The following RETREG1 variants were observed in gnomAD, a reference collection of about 807,000 sequenced individuals.
RETREG1 encodes reticulophagy regulator 1, also known as family with sequence similarity 134 member B.
A neutral mutation model predicts 54.8 loss-of-function variants in RETREG1; 44 were observed. The observed-to-expected ratio is 0.80, with a 90% confidence interval of 0.63 to 1.03. The LOEUF (loss-of-function observed/expected upper bound fraction) is 1.03, where lower values mean the gene tolerates loss of function less well. Among genes scored for constraint, RETREG1 ranks in the 50% least tolerant of loss-of-function variants. The probability of loss-of-function intolerance (pLI) is 0.00; values close to 1 mark genes in which losing one functional copy is unlikely to be tolerated. For synonymous variants in RETREG1, 217 were observed against 238.5 expected, an observed-to-expected ratio of 0.91 and a Z score of 0.83; for missense variants, 554 against 605.1, an observed-to-expected ratio of 0.92 and a Z score of 0.89.
chr5:16,616,349 G>A (rs1272822647), intron 1 of RETREG1: 3 of 389,482 alleles, frequency 7.7e-6, no homozygotes, highest in Non-Finnish European at 1.4e-5. Context: ...GAAAGCAGGG[G>A]CGAAGTTTTC....
intron 3 of RETREG1, among the ~76,000 whole-genome samples, chr5:16,544,164 C>T (rs924397423): frequency 4.6e-5 from 7 of 151,756 alleles, no homozygotes; most frequent in African/African-American, 1.2e-4. Context: ...TTAGTAGAGA[C>T]GGGGTTTTGC....
chr5:16,522,484 C>A (rs940541150), intron 3 of RETREG1, among the ~76,000 whole-genome samples: 28 of 152,094 alleles, frequency 1.8e-4, no homozygotes, highest in African/African-American at 6.8e-4. Flanking sequence ...GAGCAAAACA[C>A]CTTCAATGAC....
At chr5:16,602,498 G>A (rs890182431) in intron 1 of RETREG1, among the ~76,000 whole-genome samples, 1 of 152,176 alleles carries the variant, frequency 6.6e-6, no homozygotes, top group Non-Finnish European at 1.5e-5. Flanking sequence ...TGAGAACTCT[G>A]AGAGTAACAG....
intron 1 of RETREG1, among the ~76,000 whole-genome samples, chr5:16,598,816 G>C (rs529131007): frequency 9.8e-5 from 15 of 152,304 alleles, no homozygotes; most frequent in Admixed American, 9.8e-4. Context: ...GATCAAGGTA[G>C]GCTGAAGACA....
chr5:16,504,378 T>C (rs61430000), intron 3 of RETREG1, among the ~76,000 whole-genome samples: 43,198 of 152,104 alleles, frequency 0.28, 6,439 homozygotes, highest in East Asian at 0.47. Context: ...TGACCTCAAG[T>C]GGTGATGTGA....
intron 3 of RETREG1, among the ~76,000 whole-genome samples, chr5:16,498,334 A>C (rs2126545203): frequency 6.6e-6 from 1 of 152,342 alleles, no homozygotes; most frequent in Non-Finnish European, 1.5e-5. Flanking sequence ...ACTGTACTGA[A>C]TACTGCAGGC....
chr5:16,546,030 C>T (rs1741377132), intron 3 of RETREG1, among the ~76,000 whole-genome samples: 4 of 152,206 alleles, frequency 2.6e-5, no homozygotes, highest in Non-Finnish European at 2.9e-5. Flanking sequence ...GAGAGAATCC[C>T]GATTTTATGC....
chr5:16,587,594 A>C (rs552368496), intron 1 of RETREG1, among the ~76,000 whole-genome samples: 18 of 152,306 alleles, frequency 1.2e-4, no homozygotes, highest in African/African-American at 4.3e-4. Flanking sequence ...TCATCAGTTC[A>C]TGTCTACAGT....
intron 4 of RETREG1, among the ~76,000 whole-genome samples, chr5:16,481,848 A>C (rs79433116): frequency 0.03 from 4,633 of 152,148 alleles, 243 homozygotes; most frequent in African/African-American, 0.1. Context: ...GAAAAATGTT[A>C]CCATAAAGTC....
chr5:16,592,745 A>G (rs1213052875), intron 1 of RETREG1, among the ~76,000 whole-genome samples: 1 of 152,146 alleles, frequency 6.6e-6, no homozygotes, highest in East Asian at 1.9e-4. Flanking sequence ...CCGGTATGGG[A>G]ACATGGATGG....
intron 5 of RETREG1, 32 bp from the exon 6 acceptor site, chr5:16,479,019 C>T (rs201452986): frequency 1.9e-6 from 3 of 1,606,666 alleles, no homozygotes; most frequent in Non-Finnish European, 2.6e-6. Context: ...AGGTAAAATG[C>T]CTTTCCTTTC....
intron 3 of RETREG1, among the ~76,000 whole-genome samples, chr5:16,485,190 A>G (rs189142): frequency 0.71 from 107,475 of 152,034 alleles, 38,422 homozygotes; most frequent in African/African-American, 0.8. Context: ...AGACAGGCTA[A>G]GCTACTGTTC....
chr5:16,580,165 T>C (rs573881640), intron 1 of RETREG1, among the ~76,000 whole-genome samples: 1 of 152,312 alleles, frequency 6.6e-6, no homozygotes, highest in Admixed American at 6.5e-5. Flanking sequence ...TGTTCTCTTG[T>C]CCAGCTTCAG....
At chr5:16,497,748 C>T (rs1739525290) in intron 3 of RETREG1, among the ~76,000 whole-genome samples, 1 of 152,184 alleles carries the variant, frequency 6.6e-6, no homozygotes, top group Admixed American at 6.5e-5. Flanking sequence ...TAATGTGTCA[C>T]AGCACTCTTT....
rs377301689 is a variant in RETREG1 at position 16,501,865 on chromosome 5, G to C, written c.459-18393C>G. ...CAGCCTGGCCTGCATTTTTTTAAGA[G>C]CACAAGAGAGCACCAGATGGCAAGT... On this transcript the variant is annotated intron_variant, in intron 3 of 8. Coordinates refer to ENST00000306320, the MANE Select transcript of RETREG1 (RefSeq NM_001034850.3). 2.3e-4 allele frequency among the ~76,000 whole-genome samples: 34 copies of C among 149,858 alleles called. 1 individual carries two copies. The South Asian group carries it at 7.2e-3, about 32-fold the overall frequency.
rs1741352239 is a variant in RETREG1 at position 16,545,209 on chromosome 5, C to T, written c.458+20554G>A. ...TCCAATCCTCAAATTCTGCTTGCTT[C>T]CTCATTCTTGCAATGTGATGAAAAC... On this transcript the variant is annotated intron_variant, in intron 3 of 8. Coordinates refer to ENST00000306320, the MANE Select transcript of RETREG1 (RefSeq NM_001034850.3). Among the ~76,000 whole-genome samples, 8 of 152,280 alleles carry T rather than the reference C, an allele frequency of 5.3e-5. No homozygotes were observed. The South Asian group carries it at 1.7e-3, about 32-fold the overall frequency.
At position 16,581,938 on chromosome 5, in the gene RETREG1, C is replaced by T. The variant is rs182209939; in HGVS notation, c.321-9836G>A. 1.2e-3 allele frequency among the ~76,000 whole-genome samples: 188 copies of T among 152,274 alleles called. 1 individual carries two copies. The highest frequency in any genetic ancestry group is 4.4e-3 in the African/African-American group (182 of 41,560). On this transcript the variant is annotated intron_variant, in intron 1 of 8. Transcript: ENST00000306320. ...CATGGTGGTTTGCTGCACTTATCAA[C>T]CCATCACCTAGGTATTAAGTCCAGC...
At chr5:16,493,654 T>G (rs1259215782) in intron 3 of RETREG1, among the ~76,000 whole-genome samples, 1 of 152,214 alleles carries the variant, frequency 6.6e-6, no homozygotes, top group Non-Finnish European at 1.5e-5. Flanking sequence ...AACCCAGGGT[T>G]TACTGTAGTT....
chr5:16,500,472 A>G (rs560270498), intron 3 of RETREG1, among the ~76,000 whole-genome samples: 1 of 152,190 alleles, frequency 6.6e-6, no homozygotes, highest in African/African-American at 2.4e-5. Context: ...GTGGAAGAAG[A>G]CCATACAGGA....
Sources: allele counts gnomAD v4.1 joint callset (sites outside exome capture counted in the v4.1 genomes callset), GRCh38; gene constraint gnomAD v4.1.1; transcripts MANE v1.5; gene names NCBI Gene and HGNC (gene_info 2026-07-23, HGNC 2026-07-21).